The following WDPCP variants were observed in gnomAD, a reference collection of about 807,000 sequenced individuals.
WDPCP encodes WD repeat containing planar cell polarity effector, also known as WD repeat-containing and planar cell polarity effector protein fritz homolog.
WDPCP carries 71 observed loss-of-function variants against 93.1 expected under a neutral mutation model. The ratio of observed to expected loss-of-function variants is 0.76; its 90% CI spans 0.63 to 0.93. The LOEUF (loss-of-function observed/expected upper bound fraction) is 0.93, where lower values mean the gene tolerates loss of function less well. Among genes scored for constraint, WDPCP ranks in the 40% least tolerant of loss-of-function variants. The pLI is 0.00. For missense variants in WDPCP, 844 were observed against 887.4 expected, an observed-to-expected ratio of 0.95 and a Z score of 0.62; for synonymous variants, 315 against 315.0, an observed-to-expected ratio of 1.00 and a Z score of 0.00.
intron 1 of WDPCP, among the ~76,000 whole-genome samples, chr2:63,581,994 TAA>T (rs748625052): frequency 2.7e-4 from 36 of 133,784 alleles, no homozygotes; most frequent in Admixed American, 2.3e-4. Flanking sequence ...AACCCTATCT[TAA>T]AAAAAAAAAA....
At chr2:63,721,770 C>G (rs1224584073) in intron 2 of WDPCP, among the ~76,000 whole-genome samples, 1 of 149,458 alleles carries the variant, frequency 6.7e-6, no homozygotes, top group East Asian at 2.0e-4. Flanking sequence ...TCTCTTTCCA[C>G]GGTCTCCCTC....
intron 1 of WDPCP, among the ~76,000 whole-genome samples, chr2:63,826,176 C>T (rs1388720895): frequency 6.6e-6 from 1 of 152,002 alleles, no homozygotes; most frequent in Non-Finnish European, 1.5e-5. Flanking sequence ...AACACATTAA[C>T]AAGTATGGTG....
chr2:63,432,789 G>A (rs1164852756), intron 9 of WDPCP, among the ~76,000 whole-genome samples: 1 of 152,080 alleles, frequency 6.6e-6, no homozygotes, highest in African/African-American at 2.4e-5. Flanking sequence ...ACCTCGAGGT[G>A]ACCTAACTGA....
chr2:63,805,620 A>C (rs1313280046), intron 2 of WDPCP, among the ~76,000 whole-genome samples: 4 of 152,210 alleles, frequency 2.6e-5, no homozygotes, highest in Non-Finnish European at 5.9e-5. Context: ...ACTCTGGGGA[A>C]GTCCCTCCAC....
At chr2:63,512,285 T>A (rs1393539330) in intron 1 of WDPCP, among the ~76,000 whole-genome samples, 1 of 152,212 alleles carries the variant, frequency 6.6e-6, no homozygotes, top group Non-Finnish European at 1.5e-5. Flanking sequence ...GCTTTTACAC[T>A]GTTGGTGGGA....
At chr2:63,597,748 C>T (rs142332064) in intron 3 of WDPCP, 114 of 471,352 alleles carry the variant, frequency 2.4e-4, no homozygotes, top group Non-Finnish European at 3.5e-4. Context: ...TTTTTTCTTA[C>T]AGTATAGAAA....
chr2:63,204,424 C>G (rs1211728763), intron 14 of WDPCP, among the ~76,000 whole-genome samples: 1 of 150,710 alleles, frequency 6.6e-6, no homozygotes. Context: ...TCACTGCAAC[C>G]TCCACCTCCA....
chr2:63,313,875 TA>T (rs1559311999), intron 12 of WDPCP, among the ~76,000 whole-genome samples: 3 of 63,682 alleles, frequency 4.7e-5, no homozygotes, highest in Non-Finnish European at 1.1e-4. Flanking sequence ...TATATATATA[TA>T]TATATATATA....
intron 9 of WDPCP, among the ~76,000 whole-genome samples, chr2:63,417,685 G>C (rs549543933): frequency 6.7e-6 from 1 of 149,724 alleles, no homozygotes; most frequent in East Asian, 1.9e-4. Flanking sequence ...GACCCTTGGT[G>C]CAAAAGTTTA....
intron 14 of WDPCP, among the ~76,000 whole-genome samples, chr2:63,214,457 T>A (rs1259278110): frequency 1.3e-5 from 2 of 152,208 alleles, no homozygotes; most frequent in Admixed American, 1.3e-4. Flanking sequence ...AAACTAGGTA[T>A]TCATGGGATG....
In WDPCP at chr2:63,119,892, G is replaced by T. The variant is rs906856074; in HGVS notation, c.*2114C>A. Reference sequence around the variant, plus strand: ...TTTATAAATCATGGACATTATCAAAGATCATTCATAATATATTCTTACTAT... The same window carrying T: ...TTTATAAATCATGGACATTATCAAATATCATTCATAATATATTCTTACTAT... On this transcript the variant is annotated 3_prime_UTR_variant, in exon 18 of 18. Transcript: ENST00000272321. 1.5e-4 allele frequency among the ~76,000 whole-genome samples: 23 copies of T among 152,132 alleles called. No individual in the cohort carries two copies. The highest frequency in any genetic ancestry group is 1.0e-4 in the Non-Finnish European group (7 of 68,020).
intron 13 of WDPCP, among the ~76,000 whole-genome samples, chr2:63,263,157 G>A (rs1681792766): frequency 6.6e-6 from 1 of 152,082 alleles, no homozygotes; most frequent in Admixed American, 6.6e-5. Flanking sequence ...GACATATCTA[G>A]TATCTATATC....
intron 12 of WDPCP, chr2:63,377,807 A>G (rs948891547): frequency 1.3e-5 from 2 of 152,714 alleles, no homozygotes; most frequent in African/African-American, 4.8e-5. Context: ...ATATATATAT[A>G]TATACATGCT....
chr2:63,713,618 A>G (rs1669292899), intron 2 of WDPCP, among the ~76,000 whole-genome samples: 1 of 152,250 alleles, frequency 6.6e-6, no homozygotes, highest in Non-Finnish European at 1.5e-5. Flanking sequence ...GTCTTTCTAC[A>G]TCATAATTAA....
At chr2:63,736,781 A>AT (rs1194673968) in intron 2 of WDPCP, among the ~76,000 whole-genome samples, 1 of 152,306 alleles carries the variant, frequency 6.6e-6, no homozygotes, top group East Asian at 1.9e-4. Context: ...GAATGCTGTG[A>AT]TTTTTTAAAC....
chr2:63,333,440 C>CT (rs1372767899), intron 12 of WDPCP, among the ~76,000 whole-genome samples: 2 of 152,186 alleles, frequency 1.3e-5, no homozygotes, highest in African/African-American at 4.8e-5. Flanking sequence ...AGATAATCAA[C>CT]TAAGAGCTAG....
intron 1 of WDPCP, among the ~76,000 whole-genome samples, chr2:63,583,370 C>A (rs1423442719): frequency 1.3e-5 from 2 of 152,128 alleles, no homozygotes; most frequent in East Asian, 1.9e-4. Flanking sequence ...AGCAAGACGT[C>A]ATTTAAATTT....
At chr2:63,591,560 GTTAAAC>G (rs1481849374), upstream of WDPCP, among the ~76,000 whole-genome samples, 2 of 152,316 alleles carry the variant, frequency 1.3e-5, no homozygotes, top group African/African-American at 4.8e-5. Flanking sequence ...CTTATGGGAA[GTTAAAC>G]TTAATAGATA....
At chr2:63,794,130 C>A (rs542609116) in intron 2 of WDPCP, among the ~76,000 whole-genome samples, 6 of 152,228 alleles carry the variant, frequency 3.9e-5, no homozygotes, top group African/African-American at 1.4e-4. Flanking sequence ...CCAGCCAAAG[C>A]CCCATTCTGA....
Sources: gnomAD v4.1 joint callset for allele counts (sites outside exome capture counted in the v4.1 genomes callset) on GRCh38, gnomAD v4.1.1 for gene constraint, MANE v1.5 for transcripts, NCBI Gene and HGNC (gene_info 2026-07-23, HGNC 2026-07-21) for gene names.